MED12: variants seen among roughly 807,000 people sequenced by gnomAD.
MED12 encodes mediator complex subunit 12.
In MED12, 10 loss-of-function variants were observed where a neutral mutation model predicts 177.7. That is an observed-to-expected ratio of 0.06 (90% CI 0.03 to 0.10). MED12 has a LOEUF of 0.10. MED12 is among the 10% of genes least tolerant of loss of function. MED12 has a pLI of 1.00. For synonymous variants in MED12, 641 were observed against 678.4 expected, an observed-to-expected ratio of 0.94 and a Z score of 0.86; for missense variants, 867 against 1,780.8, an observed-to-expected ratio of 0.49 and a Z score of 9.23.
Position 71,132,789 on chromosome X carries a change from TC to T in MED12, c.4416-55del, listed in dbSNP as rs1178512923. 5.0e-4 allele frequency: 194 copies of T among 391,738 alleles called. No individual in the cohort carries two copies. In the African/African-American group the frequency reaches 5.9e-3, roughly 12 times the overall value. The allele number at this position is 391,738 out of a possible 1,213,427, so 32.3% of individuals were successfully genotyped here. ...TCTCCTCTTCTCTTCTCTTCTCTTC[TC>T]TTCTCTTCTCTTCTCTTCTCTTCTC... On this transcript the variant is annotated intron_variant, in intron 31 of 44. Transcript: ENST00000374080.
At chrX:71,132,627 C>A (rs2147815188) in intron 31 of MED12, 89 bp downstream of exon 31, 4 of 1,060,216 alleles carry the variant, frequency 3.8e-6, no homozygotes, top group African/African-American at 1.8e-5. Flanking sequence ...CAAGGAGAAG[C>A]ATCATAGGAA....
chrX:71,135,895 CCT>C (rs1475329653), intron 36 of MED12, among the ~76,000 whole-genome samples: 1 of 109,584 alleles, frequency 9.1e-6, no homozygotes, highest in African/African-American at 3.3e-5. Context: ...TCCCTGCCTT[CCT>C]CTCTCTCTTT....
At position 71,141,082 on chromosome X, in the gene MED12, G is replaced by T. The variant is rs940528110; in HGVS notation, c.6268-148G>T. On this transcript the variant is annotated intron_variant, in intron 42 of 44. Coordinates refer to ENST00000374080, the MANE Select transcript of MED12 (RefSeq NM_005120.3). ...ATTGTCTGCTGGGTACCCTAGATTT[G>T]GTTTCTTTCTGTGCAGCTGTCTAAA... 1.9e-5 allele frequency: 20 copies of T among 1,078,441 alleles called. No homozygotes were observed. The African/African-American group carries it at 3.4e-4, about 18-fold the overall frequency. The allele number at this position is 1,078,441 out of a possible 1,213,427, so 88.9% of individuals were successfully genotyped here. A position where few individuals can be genotyped will look rare whatever the true frequency, so the allele number is the denominator to read the frequency against.
At chrX:71,131,286 C>T (rs2147811122) in intron 28 of MED12, among the ~76,000 whole-genome samples, 1 of 110,731 alleles carries the variant, frequency 9.0e-6, no homozygotes, top group African/African-American at 3.3e-5. Flanking sequence ...CCCATCACCA[C>T]GCCCAGCTAA....
At chrX:71,142,087 C>T (rs750839606) in intron 44 of MED12, 88 bp from the exon 45 acceptor site, 2 of 1,111,847 alleles carry the variant, frequency 1.8e-6, no homozygotes, top group Admixed American at 2.2e-5. Context: ...CATTCCATCC[C>T]CTTCCCTCGA....
intron 24 of MED12, 59 bp from the exon 25 acceptor site, chrX:71,129,055 C>T (rs2092310279): frequency 2.1e-6 from 2 of 958,010 alleles, no homozygotes; most frequent in South Asian, 3.9e-5. Context: ...CACGCACACA[C>T]ATAAACCCAC....
In MED12 at chrX:71,129,666, C is replaced by T. The variant is rs747228964; in HGVS notation, c.3692-14C>T. The T allele has an allele frequency of 4.2e-5, 49 of 1,175,704 alleles. No individual in the cohort carries two copies. Among genetic ancestry groups the T allele is most frequent in the Non-Finnish European group, 5.4e-5 (47 of 877,308 alleles). ...CTCACTCTGCCCTCCCTATCTCCCA[C>T]CCGTGAACCACAGGGGATGCGGAAC... On this transcript the variant is annotated splice_polypyrimidine_tract_variant and intron_variant, in intron 26 of 44. Coordinates refer to ENST00000374080, the MANE Select transcript of MED12 (RefSeq NM_005120.3).
chrX:71,119,918 A>G, intron 3 of MED12, 41 bp downstream of exon 3: 1 of 1,203,014 alleles, frequency 8.3e-7, no homozygotes. Flanking sequence ...AGGAGGGAGC[A>G]TGGGGTACCA....
rs1262463984 is a variant in MED12, at chrX:71,121,371, G to A, written c.780G>A (p.Glu260=). ...ATGAGTTCCTGACCTGGGTGCTTGA[G>A]TGTTTTGAGAAGATCCGCCCTGGAG... is the stretch of plus-strand genomic sequence containing the variant. ...DRHEFLTWVL[E]CFEKIRPGED... The change falls in exon 6 of 45, where the codon GAG becomes GAA. Residue 260 remains glutamate (E), a synonymous_variant. Transcript: ENST00000374080. The A allele has an allele frequency of 8.3e-7, 1 of 1,210,235 alleles. No homozygotes were observed. Among genetic ancestry groups the A allele is most frequent in the Non-Finnish European group, 1.1e-6 (1 of 895,319 alleles).
intron 16 of MED12, 63 bp downstream of exon 16, chrX:71,125,558 C>G: frequency 8.4e-7 from 1 of 1,186,125 alleles, no homozygotes; most frequent in Non-Finnish European, 1.1e-6. Context: ...CTTCCCTTCC[C>G]CAGTATAGGG....
rs529855395 is a variant in MED12, at chrX:71,126,569, C to T, written c.2685+85C>T. 73 of 1,085,378 alleles carry T rather than the reference C, an allele frequency of 6.7e-5. No homozygotes were observed. In the South Asian group the frequency reaches 1.2e-3, roughly 17 times the overall value. 89.4% of individuals were successfully genotyped at this position (1,085,378 alleles called of 1,213,427 possible). A position where few individuals can be genotyped will look rare whatever the true frequency, so the allele number is the denominator to read the frequency against. On this transcript the variant is annotated intron_variant, in intron 19 of 44. Transcript: ENST00000374080. ...AGGGTCATAAGGACAGGCGTAGAGG[C>T]TCCAGCCAGTTTCCCAAGCTATTTG...
intron 18 of MED12, 21 bp from the exon 19 acceptor site, chrX:71,126,320 C>T (rs1414782332): frequency 1.7e-6 from 2 of 1,210,033 alleles, no homozygotes; most frequent in African/African-American, 1.7e-5. Flanking sequence ...ACTCCCATCT[C>T]ACTCCCACTG....
intron 26 of MED12, 70 bp downstream of exon 26, chrX:71,129,499 C>T (rs1438255721): frequency 2.1e-6 from 2 of 940,877 alleles, no homozygotes; most frequent in Admixed American, 4.8e-5. Flanking sequence ...CTACAAGGGA[C>T]AGTCTTTCTC....
Position 71,125,705 on chromosome X carries a change from C to T in MED12, c.2414C>T (p.Thr805Ile). The T allele has an allele frequency of 8.4e-7, 1 of 1,186,889 alleles. No homozygotes were observed. Residue 805 changes from threonine (T) to isoleucine (I), a missense_variant, in exon 17 of 45, where the codon ACA becomes ATA. Thr to Ile is a moderately conservative substitution (Grantham distance 89). Transcript: ENST00000374080. ...GTGCCTCTGAATCCTGGAGACCTGA[C>T]ATTCTTAGGTACCTCACAGTAAGCC... is the stretch of plus-strand genomic sequence containing the variant. ...PIVPLNPGDLTFLGGEDGQKR... is the reference protein window; with the variant it reads ...PIVPLNPGDLIFLGGEDGQKR...
intron 30 of MED12, 54 bp downstream of exon 30, chrX:71,132,260 C>A: frequency 8.5e-7 from 1 of 1,178,361 alleles, no homozygotes; most frequent in Non-Finnish European, 1.2e-6. Context: ...CTGCTGGTAG[C>A]GTGAGTGATA....
intron 4 of MED12, 22 bp from the exon 5 acceptor site, chrX:71,120,949 C>T (rs1428971890): frequency 8.3e-7 from 1 of 1,207,232 alleles, no homozygotes; most frequent in Non-Finnish European, 1.1e-6. Context: ...ATCAAATAGC[C>T]CTTTTTCCCT....
At chrX:71,133,067 G>GC (rs2147817337) in intron 32 of MED12, 56 bp from the exon 33 acceptor site, 2 of 1,050,568 alleles carry the variant, frequency 1.9e-6, no homozygotes, top group East Asian at 6.0e-5. Flanking sequence ...ATTGGCTGCT[G>GC]TGGGATGGAA....
At position 71,121,746 on chromosome X, in the gene MED12, C is replaced by A. The variant is rs773615925; in HGVS notation, c.1031C>A (p.Thr344Asn). Residue 344 changes from threonine to asparagine, a missense_variant, in exon 7 of 45, where the codon ACT (threonine) becomes AAT (asparagine). Coordinates refer to ENST00000374080, the MANE Select transcript of MED12 (RefSeq NM_005120.3). ...PQPPTSSTPS[T>N]PFSDLLMCPQ... ...CCCCCAACTAGCAGCACACCCTCGACTCCCTTTAGTGACCTGCTTATGTGC... is the reference window on the plus strand; with the variant it reads ...CCCCCAACTAGCAGCACACCCTCGAATCCCTTTAGTGACCTGCTTATGTGC... 14 of 1,209,826 alleles carry A rather than the reference C, an allele frequency of 1.2e-5. No individual in the cohort carries two copies. In the East Asian group the frequency reaches 4.1e-4, roughly 36 times the overall value.
chrX:71,119,229 G>A (rs2092282990), intron 1 of MED12, 144 bp from the exon 2 acceptor site: 1 of 508,952 alleles, frequency 2.0e-6, no homozygotes, highest in African/African-American at 2.4e-5. Flanking sequence ...GAACGTAAGG[G>A]CCCAGCTTTA....
Sources: allele counts gnomAD v4.1 joint callset (sites outside exome capture counted in the v4.1 genomes callset), GRCh38; gene constraint gnomAD v4.1.1; transcripts MANE v1.5; gene names NCBI Gene and HGNC (gene_info 2026-07-23, HGNC 2026-07-21).